ITCH: variants seen among roughly 807,000 people sequenced by gnomAD.
The protein encoded by ITCH is itchy E3 ubiquitin protein ligase.
A neutral mutation model predicts 126.8 loss-of-function variants in ITCH; 28 were observed. The observed-to-expected ratio is 0.22, with a 90% CI of 0.16 to 0.30. The LOEUF is 0.30. Ranked by LOEUF, ITCH falls within the 10% of genes least tolerant of loss-of-function variation. ITCH has a pLI of 1.00. For missense variants in ITCH, 631 were observed against 1,032.4 expected, an observed-to-expected ratio of 0.61 and a Z score of 5.33; for synonymous variants, 342 against 340.0, an observed-to-expected ratio of 1.01 and a Z score of -0.06.
intron 16 of ITCH, among the ~76,000 whole-genome samples, chr20:34,474,998 C>CTGCAATCTCGGCACTTTGGGA: frequency 6.7e-6 from 1 of 150,220 alleles, no homozygotes; most frequent in East Asian, 2.0e-4. Context: ...TGGGCAGAGG[C>CTGCAATCTCGGCACTTTGGGA]GCTCCTCACA....
At chr20:34,437,214 A>T (rs1046929310) in intron 7 of ITCH, among the ~76,000 whole-genome samples, 2 of 152,190 alleles carry the variant, frequency 1.3e-5, no homozygotes, top group Non-Finnish European at 2.9e-5. Context: ...CACTATGTAT[A>T]TCAAAACATC....
chr20:34,469,899 C>T, intron 14 of ITCH, 149 bp from the exon 15 acceptor site: 1 of 716,564 alleles, frequency 1.4e-6, no homozygotes, highest in South Asian at 1.5e-5. Flanking sequence ...AAATATCTCT[C>T]AAAAAGCAAA....
At chr20:34,433,858 A>G (rs1568935915) in intron 7 of ITCH, among the ~76,000 whole-genome samples, 1 of 152,276 alleles carries the variant, frequency 6.6e-6, no homozygotes, top group East Asian at 1.9e-4. Context: ...GTCACATCCA[A>G]TGAGAAGGAC....
intron 10 of ITCH, 123 bp downstream of exon 10, chr20:34,442,426 T>C: frequency 1.4e-6 from 1 of 728,192 alleles, no homozygotes; most frequent in Non-Finnish European, 2.4e-6. Flanking sequence ...CCACTTTGTT[T>C]TGTGGTAAGT....
At chr20:34,495,350 T>C (rs1989808488) in intron 23 of ITCH, among the ~76,000 whole-genome samples, 1 of 150,196 alleles carries the variant, frequency 6.7e-6, no homozygotes. Flanking sequence ...AAATTGTTGT[T>C]GATTATAGTC....
In ITCH at chr20:34,412,752, TGGTTATAG is replaced by T; in HGVS notation, c.337+115_337+122del. ...TTCTCTCATACTTTTAAGTTTTACT[TGGTTATAG>T]GATGAACAGATAGAAGAATTTTACA... On this transcript the variant is annotated intron_variant, in intron 5 of 24. Coordinates refer to ENST00000374864, the MANE Select transcript of ITCH (RefSeq NM_031483.7). 3.4e-6 allele frequency: 3 copies of T among 889,672 alleles called. No individual in the cohort carries two copies. The South Asian group carries it at 4.3e-5, about 13-fold the overall frequency. 55.1% of individuals were successfully genotyped at this position (889,672 alleles called of 1,614,324 possible).
chr20:34,450,634 G>C (rs1193947647), intron 12 of ITCH, among the ~76,000 whole-genome samples: 1 of 152,184 alleles, frequency 6.6e-6, no homozygotes, highest in Non-Finnish European at 1.5e-5. Context: ...TATTATAATA[G>C]AAAGTGGAAA....
intron 7 of ITCH, among the ~76,000 whole-genome samples, chr20:34,432,331 A>G (rs778872163): frequency 1.9e-4 from 29 of 152,308 alleles, no homozygotes; most frequent in Non-Finnish European, 3.1e-4. Context: ...TAATTTAAAA[A>G]TGTATTATCA....
intron 20 of ITCH, among the ~76,000 whole-genome samples, chr20:34,484,978 G>T (rs1199245147): frequency 6.6e-6 from 1 of 152,078 alleles, no homozygotes; most frequent in East Asian, 1.9e-4. Flanking sequence ...AACCATTTCT[G>T]TTTAGTTCTA....
At chr20:34,456,144 T>C (rs1000577844) in intron 12 of ITCH, among the ~76,000 whole-genome samples, 1 of 144,508 alleles carries the variant, frequency 6.9e-6, no homozygotes, top group Admixed American at 7.0e-5. Context: ...TTATTTTATA[T>C]ATATTTTTAT....
chr20:34,460,585 A>G (rs955757002), intron 13 of ITCH, among the ~76,000 whole-genome samples: 1 of 152,066 alleles, frequency 6.6e-6, no homozygotes, highest in Non-Finnish European at 1.5e-5. Context: ...TTTGTTCCTC[A>G]TCTAGTCTCA....
At chr20:34,469,892 TATCTCTC>T (rs1987455553) in intron 14 of ITCH, among the ~76,000 whole-genome samples, 149 bp from the exon 15 acceptor site, 1 of 152,222 alleles carries the variant, frequency 6.6e-6, no homozygotes, top group Admixed American at 6.5e-5. Context: ...CTTGGGGAAA[TATCTCTC>T]AAAAAGCAAA....
rs1978812067 is a variant in ITCH at position 34,511,547 on chromosome 20, T to C, written c.*3753T>C. ...TTACAGCCCATCTGGATTGTGGTAT[T>C]GTTCCCAGACCAAATCAAGGGTTGG... is the stretch of plus-strand genomic sequence containing the variant. On this transcript the variant is annotated 3_prime_UTR_variant, in exon 25 of 25. Transcript: ENST00000374864. Among the ~76,000 whole-genome samples, 1 of 152,198 alleles carries C rather than the reference T, an allele frequency of 6.6e-6. No individual in the cohort carries two copies. The highest frequency in any genetic ancestry group is 2.4e-5 in the African/African-American group (1 of 41,444).
intron 2 of ITCH, among the ~76,000 whole-genome samples, chr20:34,382,843 A>C (rs1305749771): frequency 6.6e-6 from 1 of 151,278 alleles, no homozygotes; most frequent in Non-Finnish European, 1.5e-5. Context: ...TCCTGGCTTC[A>C]AGCAATTCTC....
intron 10 of ITCH, among the ~76,000 whole-genome samples, chr20:34,443,098 A>C (rs972487164): frequency 2.0e-5 from 3 of 152,200 alleles, no homozygotes; most frequent in African/African-American, 7.2e-5. Flanking sequence ...ATTAGAGCCC[A>C]GTCATATATT....
At position 34,442,357 on chromosome 20, in the gene ITCH, C is replaced by T. The variant is rs575330319; in HGVS notation, c.965+54C>T. On this transcript the variant is annotated intron_variant, in intron 10 of 24. Coordinates refer to ENST00000374864, the MANE Select transcript of ITCH (RefSeq NM_031483.7). ...TTTATTTAGTCAGAATTGTGGATTA[C>T]AACTGTATAATCTTCCCTACATTTC... The T allele has an allele frequency of 4.6e-5, 57 of 1,240,264 alleles. 1 individual carries two copies. The South Asian group carries it at 6.7e-4, about 15-fold the overall frequency. The allele number at this position is 1,240,264 out of a possible 1,614,324, so 76.8% of individuals were successfully genotyped here.
At position 34,510,974 on chromosome 20, in the gene ITCH, T is replaced by C. The variant is rs1451420902; in HGVS notation, c.*3180T>C. 5.3e-5 allele frequency: 8 copies of C among 152,322 alleles called. No homozygotes were observed. Among genetic ancestry groups the C allele is most frequent in the Non-Finnish European group, 8.8e-5 (6 of 68,026 alleles). 9.4% of individuals were successfully genotyped at this position (152,322 alleles called of 1,614,324 possible). A position where few individuals can be genotyped will look rare whatever the true frequency, so the allele number is the denominator to read the frequency against. Reference sequence around the variant, plus strand: ...AGCCCACTCTACCACTTTTTACTTATCTGGTTAATAATCCGAAATGTTACC... The same window carrying C: ...AGCCCACTCTACCACTTTTTACTTACCTGGTTAATAATCCGAAATGTTACC... On this transcript the variant is annotated 3_prime_UTR_variant, in exon 25 of 25. Coordinates refer to ENST00000374864, the MANE Select transcript of ITCH (RefSeq NM_031483.7).
intron 13 of ITCH, among the ~76,000 whole-genome samples, chr20:34,459,345 T>A (rs2146363506): frequency 6.6e-6 from 1 of 152,226 alleles, no homozygotes; most frequent in Admixed American, 6.5e-5. Context: ...TCTAGGGTTT[T>A]TATTGGGGCT....
intron 23 of ITCH, among the ~76,000 whole-genome samples, chr20:34,499,285 T>TC (rs1569007933): frequency 7.6e-6 from 1 of 131,408 alleles, no homozygotes; most frequent in Non-Finnish European, 1.6e-5. Context: ...TTTTTTTTTT[T>TC]TTTTTTTTTT....
Sources: gnomAD v4.1 joint callset for allele counts (sites outside exome capture counted in the v4.1 genomes callset) on GRCh38, gnomAD v4.1.1 for gene constraint, MANE v1.5 for transcripts, NCBI Gene and HGNC (gene_info 2026-07-23, HGNC 2026-07-21) for gene names.